Variants in ERC1 observed in about 807,000 individuals in gnomAD.
ERC1 encodes RAB6 interacting protein 2.
ERC1 carries 56 observed loss-of-function variants against 132.0 expected under a neutral mutation model. That is an observed-to-expected ratio of 0.42 (90% CI 0.34 to 0.53). ERC1 has a LOEUF of 0.53. Ranked by LOEUF, ERC1 falls within the 20% of genes least tolerant of loss-of-function variation. The pLI is 0.03. For missense variants in ERC1, 1,202 were observed against 1,349.9 expected, an observed-to-expected ratio of 0.89 and a Z score of 1.72; for synonymous variants, 478 against 476.1, an observed-to-expected ratio of 1.00 and a Z score of -0.05.
Position 1,110,372 on chromosome 12 carries a change from T to C in ERC1, c.1317+25T>C, listed in dbSNP as rs563375897. ...GGTAATGGCATGTGAGACTTTTGAT[T>C]CTTAAAAGGAGTTTGAAAAATTGAT... On this transcript the variant is annotated intron_variant, in intron 5 of 18. Coordinates refer to ENST00000360905, the MANE Select transcript of ERC1 (RefSeq NM_178040.4). The C allele has an allele frequency of 3.9e-6, 6 of 1,558,394 alleles. No individual in the cohort carries two copies. The African/African-American group carries it at 8.3e-5, about 21-fold the overall frequency.
intron 16 of ERC1, among the ~76,000 whole-genome samples, chr12:1,384,964 G>C (rs532176196): frequency 1.3e-5 from 2 of 152,296 alleles, no homozygotes; most frequent in East Asian, 1.9e-4. Flanking sequence ...TTAACAAGCT[G>C]ATTCATTAGA....
chr12:1,353,920 CTCT>C (rs1435284731), intron 15 of ERC1, among the ~76,000 whole-genome samples: 1 of 152,110 alleles, frequency 6.6e-6, no homozygotes, highest in African/African-American at 2.4e-5. Context: ...CATGTTTTAT[CTCT>C]TCTTATTTCT....
At chr12:1,344,654 T>C (rs1285886137) in intron 15 of ERC1, among the ~76,000 whole-genome samples, 1 of 152,204 alleles carries the variant, frequency 6.6e-6, no homozygotes, top group East Asian at 1.9e-4. Flanking sequence ...TCTTTCTCTT[T>C]CTGTTGTTGG....
intron 17 of ERC1, among the ~76,000 whole-genome samples, chr12:1,423,541 T>C (rs2092507132): frequency 1.3e-5 from 2 of 152,320 alleles, no homozygotes; most frequent in South Asian, 4.1e-4. Context: ...AAAGGAATGG[T>C]ATTCTTTAAT....
In ERC1 at chr12:1,138,368, A is replaced by G. The variant is rs562442582; in HGVS notation, c.1570-3252A>G. Among the ~76,000 whole-genome samples the G allele has an allele frequency of 1.4e-4, 20 of 142,472 alleles. No homozygotes were observed. In the East Asian group the frequency reaches 3.8e-3, roughly 27 times the overall value. 93.5% of individuals were successfully genotyped at this position (142,472 alleles called of 152,430 possible). ...ATAATATATAATATATGTTATATGT[A>G]AGTTGTATATAATATGTAATACATA... is the stretch of plus-strand genomic sequence containing the variant. On this transcript the variant is annotated intron_variant, in intron 7 of 18. Coordinates refer to ENST00000360905, the MANE Select transcript of ERC1 (RefSeq NM_178040.4).
chr12:1,110,090 T>G, intron 4 of ERC1, 102 bp from the exon 5 acceptor site: 3 of 1,003,614 alleles, frequency 3.0e-6, no homozygotes, highest in Non-Finnish European at 4.2e-6. Context: ...TTTCTGTATA[T>G]TTGTCTATCT....
At chr12:1,132,633 G>T (rs1005272966) in intron 7 of ERC1, among the ~76,000 whole-genome samples, 14 of 152,136 alleles carry the variant, frequency 9.2e-5, no homozygotes, top group African/African-American at 3.1e-4. Context: ...CTGTGTGATG[G>T]TGGTGCCATC....
intron 3 of ERC1, 34 bp downstream of exon 3, chr12:1,083,614 T>G (rs749342317): frequency 4.0e-6 from 6 of 1,514,828 alleles, no homozygotes; most frequent in Non-Finnish European, 5.3e-6. Context: ...TATGATTTGT[T>G]GGTTATCTTT....
intron 15 of ERC1, among the ~76,000 whole-genome samples, chr12:1,348,891 T>C (rs2084735805): frequency 6.6e-6 from 1 of 152,172 alleles, no homozygotes; most frequent in Non-Finnish European, 1.5e-5. Flanking sequence ...ATATTTCTGA[T>C]TTGATTTTTG....
intron 15 of ERC1, among the ~76,000 whole-genome samples, chr12:1,302,015 A>T (rs977010101): frequency 3.3e-5 from 5 of 152,204 alleles, no homozygotes; most frequent in Admixed American, 3.3e-4. Flanking sequence ...TAGAATTGTG[A>T]CCCTCCTGCC....
intron 2 of ERC1, among the ~76,000 whole-genome samples, chr12:1,067,290 C>T (rs1939395897): frequency 6.6e-6 from 1 of 152,144 alleles, no homozygotes; most frequent in South Asian, 2.1e-4. Flanking sequence ...CGATGAAAAG[C>T]ATCAGGTTCT....
chr12:1,446,228 G>A (rs999183872), intron 18 of ERC1, among the ~76,000 whole-genome samples: 1 of 151,872 alleles, frequency 6.6e-6, no homozygotes, highest in African/African-American at 2.4e-5. Flanking sequence ...CTAGCCTGGA[G>A]ACAAAAAATC....
intron 18 of ERC1, among the ~76,000 whole-genome samples, chr12:1,479,187 C>T (rs1592302583): frequency 1.3e-5 from 2 of 152,056 alleles, no homozygotes; most frequent in African/African-American, 4.8e-5. Context: ...ATTGCTGCCG[C>T]CTTGCAGTGA....
At chr12:1,189,801 T>C in intron 11 of ERC1, 58 bp from the exon 12 acceptor site, 1 of 1,316,234 alleles carries the variant, frequency 7.6e-7, no homozygotes, top group Non-Finnish European at 1.0e-6. Flanking sequence ...GTTTGGGACA[T>C]GGTTTGCCCA....
At chr12:1,138,883 G>A (rs1593625273) in intron 7 of ERC1, among the ~76,000 whole-genome samples, 1 of 152,236 alleles carries the variant, frequency 6.6e-6, no homozygotes. Context: ...GGGTCTGGAG[G>A]CAAGACCACG....
chr12:1,280,068 A>G (rs60671942), intron 14 of ERC1, among the ~76,000 whole-genome samples: 5,175 of 152,248 alleles, frequency 0.034, 310 homozygotes, highest in African/African-American at 0.12. Flanking sequence ...CTTGGAGTCT[A>G]TGTGGTGGAT....
intron 2 of ERC1, among the ~76,000 whole-genome samples, chr12:1,061,355 G>T (rs1305953927): frequency 6.6e-6 from 1 of 151,828 alleles, no homozygotes; most frequent in Non-Finnish European, 1.5e-5. Context: ...CCAGCACACT[G>T]GTAGGCTGAG....
intron 15 of ERC1, among the ~76,000 whole-genome samples, chr12:1,364,910 T>C (rs1024102951): frequency 3.3e-5 from 5 of 152,232 alleles, no homozygotes; most frequent in Admixed American, 3.3e-4. Flanking sequence ...CAAATATTAA[T>C]ACACTAGATG....
intron 16 of ERC1, chr12:1,380,569 G>T (rs1312241345): frequency 6.6e-6 from 1 of 152,260 alleles, no homozygotes; most frequent in Non-Finnish European, 1.5e-5. Context: ...GAATGAACAC[G>T]TAACTCTCCA....
Sources: gnomAD v4.1 joint callset for allele counts (sites outside exome capture counted in the v4.1 genomes callset) on GRCh38, gnomAD v4.1.1 for gene constraint, MANE v1.5 for transcripts, NCBI Gene and HGNC (gene_info 2026-07-23, HGNC 2026-07-21) for gene names.